HSPA4L: variants seen among roughly 807,000 people sequenced by gnomAD.
HSPA4L encodes the protein heat shock 70 kDa protein 4L.
In HSPA4L, 48 loss-of-function variants were observed where a neutral mutation model predicts 100.3. That is an observed-to-expected ratio of 0.48 (90% confidence interval 0.38 to 0.61). The LOEUF (loss-of-function observed/expected upper bound fraction) is 0.61. Among genes scored for constraint, HSPA4L ranks in the 20% least tolerant of loss-of-function variants. HSPA4L has a pLI of 0.00. For synonymous variants in HSPA4L, 319 were observed against 328.2 expected, an observed-to-expected ratio of 0.97 and a Z score of 0.30; for missense variants, 886 against 988.6, an observed-to-expected ratio of 0.90 and a Z score of 1.39.
Position 127,836,283 on chromosome 4 carries a change from T to C in HSPA4L, c.*3409T>C, listed in dbSNP as rs371235056. The C allele has an allele frequency of 4.8e-4, 72 of 150,458 alleles. No individual in the cohort carries two copies. The South Asian group carries it at 5.9e-3, about 12-fold the overall frequency. The allele number at this position is 150,458 out of a possible 1,614,324, so 9.3% of individuals were successfully genotyped here. A position where few individuals can be genotyped will look rare whatever the true frequency, so the allele number is the denominator to read the frequency against. ...TCAGGAGGCTGAGGCAGGAGAATGG[T>C]GTGAACCCAGGAGGCGGAGGTTGCA... On this transcript the variant is annotated 3_prime_UTR_variant, in exon 19 of 19. Transcript: ENST00000296464.
intron 3 of HSPA4L, among the ~76,000 whole-genome samples, chr4:127,796,350 A>G (rs1733021000): frequency 6.6e-6 from 1 of 152,132 alleles, no homozygotes; most frequent in African/African-American, 2.4e-5. Context: ...TTAATTTTAT[A>G]TTCTGAGATA....
At chr4:127,795,458 C>A (rs1732991900) in intron 2 of HSPA4L, among the ~76,000 whole-genome samples, 1 of 152,092 alleles carries the variant, frequency 6.6e-6, no homozygotes, top group African/African-American at 2.4e-5. Flanking sequence ...CGAGGAAAAC[C>A]AAAAAGATGA....
intron 2 of HSPA4L, among the ~76,000 whole-genome samples, chr4:127,794,572 A>G (rs1044708915): frequency 2.0e-5 from 3 of 152,094 alleles, no homozygotes; most frequent in Non-Finnish European, 4.4e-5. Context: ...TGAAGTATTT[A>G]TATTTTTAGG....
At position 127,803,695 on chromosome 4, in the gene HSPA4L, T is replaced by G. The variant is rs775557806; in HGVS notation, c.730T>G (p.Phe244Val). The change falls in exon 7 of 19, where the codon TTC (phenylalanine) becomes GTC (valine). Residue 244 changes from phenylalanine to valine, a missense_variant. Transcript: ENST00000296464. ...CTTTGATGAGGCTTTAGTAGACTAC[T>G]TCTGTGATGAGTTCAAGACCAAATA... The part of the protein sequence containing the change: ...RNFDEALVDY[F>V]CDEFKTKYKI... The G allele has an allele frequency of 6.2e-6, 10 of 1,613,904 alleles. No individual in the cohort carries two copies. The highest frequency in any genetic ancestry group is 8.5e-6 in the Non-Finnish European group (10 of 1,179,882).
intron 10 of HSPA4L, 101 bp downstream of exon 10, chr4:127,805,894 C>A: frequency 3.2e-5 from 21 of 655,630 alleles, no homozygotes; most frequent in South Asian, 7.6e-5. Context: ...TAAAATTCTG[C>A]CAAATACTTT....
chr4:127,801,591 A>G (rs556991830), intron 5 of HSPA4L, among the ~76,000 whole-genome samples, 194 bp from the exon 6 acceptor site: 2 of 152,020 alleles, frequency 1.3e-5, no homozygotes, highest in Non-Finnish European at 2.9e-5. Flanking sequence ...AATCTTTACT[A>G]TTACAGAGTT....
In HSPA4L at chr4:127,788,025, A is replaced by G. The variant is rs1396857738; in HGVS notation, c.107+5368A>G. Among the ~76,000 whole-genome samples, 3 of 152,088 alleles carry G rather than the reference A, an allele frequency of 2.0e-5. No homozygotes were observed. In the East Asian group the frequency reaches 5.8e-4, roughly 29 times the overall value. On this transcript the variant is annotated intron_variant, in intron 1 of 18. Coordinates refer to ENST00000296464, the MANE Select transcript of HSPA4L (RefSeq NM_014278.4). ...CAAAAGAATTTTAACATTGTTACGC[A>G]TTGATATTTGTGTTTGAACCAAGTG...
intron 10 of HSPA4L, among the ~76,000 whole-genome samples, chr4:127,807,441 C>T (rs1038015908): frequency 6.6e-6 from 1 of 151,838 alleles, no homozygotes; most frequent in African/African-American, 2.4e-5. Flanking sequence ...GGGTAAAGCA[C>T]CATAATGTAT....
Position 127,832,673 on chromosome 4 carries a change from A to T in HSPA4L, c.2329-10A>T. The T allele has an allele frequency of 1.3e-6, 2 of 1,571,090 alleles. No homozygotes were observed. Among genetic ancestry groups the T allele is most frequent in the South Asian group, 1.2e-5 (1 of 82,414 alleles). ...TCGTTTTAATATAATCAATTTCTTC[A>T]TGTCTTTAGGAACTGGATAATTTCT... On this transcript the variant is annotated splice_polypyrimidine_tract_variant and intron_variant, in intron 18 of 18. Transcript: ENST00000296464.
intron 3 of HSPA4L, among the ~76,000 whole-genome samples, 154 bp from the exon 4 acceptor site, chr4:127,798,433 T>C (rs1207198611): frequency 1.3e-5 from 2 of 152,208 alleles, no homozygotes; most frequent in African/African-American, 4.8e-5. Flanking sequence ...AATGGGATCA[T>C]GATTCTAAAA....
At chr4:127,784,253 T>G (rs976268093) in intron 1 of HSPA4L, among the ~76,000 whole-genome samples, 16 of 152,226 alleles carry the variant, frequency 1.1e-4, no homozygotes, top group Admixed American at 9.2e-4. Flanking sequence ...GACATTCTTT[T>G]AGTCCTTAAA....
intron 6 of HSPA4L, among the ~76,000 whole-genome samples, chr4:127,803,370 C>CA (rs554710323): frequency 1.8e-3 from 259 of 145,234 alleles, no homozygotes; most frequent in African/African-American, 6.1e-3. Flanking sequence ...AGTTGTAATT[C>CA]AGTTATTTCT....
At chr4:127,816,458 C>A (rs1232274449) in intron 12 of HSPA4L, among the ~76,000 whole-genome samples, 1 of 152,080 alleles carries the variant, frequency 6.6e-6, no homozygotes, top group African/African-American at 2.4e-5. Flanking sequence ...TCATGAGATA[C>A]TTCTCATCAC....
chr4:127,828,002 ATTGTT>A (rs1220859045), intron 17 of HSPA4L, among the ~76,000 whole-genome samples: 1 of 152,096 alleles, frequency 6.6e-6, no homozygotes, highest in Non-Finnish European at 1.5e-5. Flanking sequence ...AATTAAGCTT[ATTGTT>A]TTGTTTCCTC....
Position 127,805,057 on chromosome 4 carries a change from T to TA in HSPA4L, c.986-9dup, listed in dbSNP as rs1429142828. On this transcript the variant is annotated splice_polypyrimidine_tract_variant and intron_variant, in intron 8 of 18. Transcript: ENST00000296464. ...TTTAAAGACTATCATTTTTCTCAAT[T>TA]AAAAAAATTTTCCAGACTTACAACG... The TA allele has an allele frequency of 2.6e-6, 4 of 1,554,248 alleles. No individual in the cohort carries two copies. Among genetic ancestry groups the TA allele is most frequent in the South Asian group, 1.2e-5 (1 of 82,170 alleles).
At chr4:127,783,406 A>G (rs1732624197) in intron 1 of HSPA4L, 7 of 1,023,262 alleles carry the variant, frequency 6.8e-6, no homozygotes, top group Non-Finnish European at 9.1e-6. Context: ...TGCAGAGTGA[A>G]TTGCCGGAGT....
At chr4:127,782,232 G>C (rs893718763), upstream of HSPA4L, 2 of 393,098 alleles carry the variant, frequency 5.1e-6, no homozygotes, top group Non-Finnish European at 4.8e-6. Context: ...GAGCTGGCTC[G>C]GGCGCGGAGC....
chr4:127,790,171 C>T (rs2148776449), intron 1 of HSPA4L, among the ~76,000 whole-genome samples: 1 of 152,316 alleles, frequency 6.6e-6, no homozygotes, highest in East Asian at 1.9e-4. Flanking sequence ...ATAGTTGAAT[C>T]TGAATCTTCT....
At chr4:127,801,695 T>C in intron 5 of HSPA4L, 90 bp from the exon 6 acceptor site, 2 of 993,390 alleles carry the variant, frequency 2.0e-6, no homozygotes, top group Non-Finnish European at 2.9e-6. Flanking sequence ...ATTACTATAC[T>C]GCATATTAAA....
Sources: allele counts gnomAD v4.1 joint callset (sites outside exome capture counted in the v4.1 genomes callset), GRCh38; gene constraint gnomAD v4.1.1; transcripts MANE v1.5; gene names NCBI Gene and HGNC (gene_info 2026-07-23, HGNC 2026-07-21).